The following YY1 variants were observed in gnomAD, a reference collection of about 807,000 sequenced individuals.
YY1 encodes the protein transcriptional repressor protein YY1.
A neutral mutation model predicts 35.6 loss-of-function variants in YY1; 2 were observed. The ratio of observed to expected loss-of-function variants is 0.06; its 90% CI spans 0.02 to 0.18. The LOEUF is 0.18. Ranked by LOEUF, YY1 falls within the 10% of genes least tolerant of loss-of-function variation. The pLI, the probability that YY1 is intolerant of heterozygous loss-of-function variation, is 1.00. For missense variants in YY1, 322 were observed against 573.4 expected, an observed-to-expected ratio of 0.56 and a Z score of 4.48; for synonymous variants, 268 against 238.9, an observed-to-expected ratio of 1.12 and a Z score of -1.12.
At position 100,246,270 on chromosome 14, in the gene YY1, C is replaced by T. The variant is rs114181433; in HGVS notation, c.679+6347C>T. Among the ~76,000 whole-genome samples the T allele has an allele frequency of 5.3e-3, 801 of 152,322 alleles. 8 individuals carry two copies. The highest frequency in any genetic ancestry group is 0.018 in the African/African-American group (754 of 41,560). ...GCCTGCCCATGGCTAATGAGGATAGCACAGGTGCGGGGCCAGTGTCCCCCC... is the reference window on the plus strand; with the variant it reads ...GCCTGCCCATGGCTAATGAGGATAGTACAGGTGCGGGGCCAGTGTCCCCCC... On this transcript the variant is annotated intron_variant, in intron 1 of 4. Coordinates refer to ENST00000262238, the MANE Select transcript of YY1 (RefSeq NM_003403.5).
chr14:100,245,896 C>G (rs1028458156), intron 1 of YY1, among the ~76,000 whole-genome samples: 1 of 152,112 alleles, frequency 6.6e-6, no homozygotes, highest in Admixed American at 6.6e-5. Flanking sequence ...CGTGAGCCAC[C>G]GCGCCCAGCC....
At chr14:100,240,530 G>T (rs547750215) in intron 1 of YY1, among the ~76,000 whole-genome samples, 1 of 54 alleles carries the variant, frequency 0.019, no homozygotes, top group South Asian at 0.5. Flanking sequence ...GGCACTCGTG[G>T]GCGCCCTCCG....
chr14:100,242,097 A>G (rs1890755729), intron 1 of YY1, among the ~76,000 whole-genome samples: 1 of 152,168 alleles, frequency 6.6e-6, no homozygotes, highest in African/African-American at 2.4e-5. Context: ...GTAAAGATAC[A>G]TTAACCACAA....
At position 100,276,473 on chromosome 14, in the gene YY1, G is replaced by A; in HGVS notation, c.904-17G>A. ...AGTTTGCAATGTGAACTTCTAAGCTGCTTTCTCTGTTTTAAGGGCTGCACA... is the reference window on the plus strand; with the variant it reads ...AGTTTGCAATGTGAACTTCTAAGCTACTTTCTCTGTTTTAAGGGCTGCACA... On this transcript the variant is annotated splice_polypyrimidine_tract_variant and intron_variant, in intron 3 of 4. Coordinates refer to ENST00000262238, the MANE Select transcript of YY1 (RefSeq NM_003403.5). This position sits in a 1 kb window ranked among gnomAD's most constrained non-coding sequence, Gnocchi z 4.1. 1 of 1,614,152 alleles carries A rather than the reference G, an allele frequency of 6.2e-7. No homozygotes were observed. The highest frequency in any genetic ancestry group is 8.5e-7 in the Non-Finnish European group (1 of 1,180,008).
chr14:100,253,672 G>A (rs966803510), intron 1 of YY1, among the ~76,000 whole-genome samples: 5 of 151,980 alleles, frequency 3.3e-5, no homozygotes, highest in African/African-American at 9.7e-5. Flanking sequence ...GATTATAGGC[G>A]TGAGCCAGTG....
rs60088505 is a variant in YY1 at position 100,249,100 on chromosome 14, A to ATTTTT, written c.679+9208_679+9212dup. The stretch of plus-strand genomic sequence containing the variant: ...TTTGTGATGGACTCTTTCTCGTGTA[A>ATTTTT]TTTTTTTTTTTTTTTTTTTTTTTTT... On this transcript the variant is annotated intron_variant, in intron 1 of 4. Transcript: ENST00000262238. 6.3e-3 allele frequency among the ~76,000 whole-genome samples: 295 copies of ATTTTT among 46,824 alleles called. 35 individuals are homozygous for ATTTTT. The highest frequency in any genetic ancestry group is 0.042 in the Middle Eastern group (2 of 48). 30.7% of individuals were successfully genotyped at this position (46,824 alleles called of 152,430 possible).
chr14:100,273,068 TCTC>T (rs998329343), intron 2 of YY1, among the ~76,000 whole-genome samples: 4 of 151,520 alleles, frequency 2.6e-5, no homozygotes, highest in South Asian at 2.1e-4. Context: ...CTGAAGCAAT[TCTC>T]CTCCCTCAGC....
rs549104683 is a variant in YY1 at position 100,243,709 on chromosome 14, G to T, written c.679+3786G>T. Among the ~76,000 whole-genome samples the T allele has an allele frequency of 8.0e-4, 121 of 151,268 alleles. 8 individuals carry two copies. The South Asian group carries it at 0.025, about 31-fold the overall frequency. On this transcript the variant is annotated intron_variant, in intron 1 of 4. Coordinates refer to ENST00000262238, the MANE Select transcript of YY1 (RefSeq NM_003403.5). Reference sequence around the variant, plus strand: ...GTCACTCTCAGCTACTTGGTAGATTGAGGTGGGAGGATCTCCTGAGCCTGG... The same window carrying T: ...GTCACTCTCAGCTACTTGGTAGATTTAGGTGGGAGGATCTCCTGAGCCTGG...
chr14:100,278,783 C>T lies in YY1; in HGVS notation c.*1183C>T, dbSNP rs1891365269. The stretch of plus-strand genomic sequence containing the variant: ...GCAAGTGTGAGTGAAGCATCTGTAC[C>T]ACCGCGCAGGCTGAGCGCCTGCGCA... On this transcript the variant is annotated 3_prime_UTR_variant, in exon 5 of 5. Transcript: ENST00000262238. 1.3e-5 allele frequency: 2 copies of T among 152,260 alleles called. No homozygotes were observed. The highest frequency in any genetic ancestry group is 4.1e-4 in the South Asian group (2 of 4,836). 9.4% of individuals were successfully genotyped at this position (152,260 alleles called of 1,614,324 possible).
chr14:100,261,310 T>C lies in YY1; in HGVS notation c.680-994T>C, dbSNP rs180879165. 2.8e-3 allele frequency among the ~76,000 whole-genome samples: 427 copies of C among 152,246 alleles called. 4 individuals are homozygous for C. Among genetic ancestry groups the C allele is most frequent in the Middle Eastern group, 0.01 (3 of 294 alleles). On this transcript the variant is annotated intron_variant, in intron 1 of 4. Coordinates refer to ENST00000262238, the MANE Select transcript of YY1 (RefSeq NM_003403.5). ...TTCAAGCAATTCTCCTGCCTCAGCC[T>C]CCTGAGTAGCTGGTATTACAGGCAT...
rs562639593 is a variant in YY1, at chr14:100,270,302, G to A, written c.843-4396G>A. On this transcript the variant is annotated intron_variant, in intron 2 of 4. Coordinates refer to ENST00000262238, the MANE Select transcript of YY1 (RefSeq NM_003403.5). ...AAAAAAAAAAAAAATTAAGTTACTAGGAATAACTCTAGCAAAATGTATGGG... is the reference window on the plus strand; with the variant it reads ...AAAAAAAAAAAAAATTAAGTTACTAAGAATAACTCTAGCAAAATGTATGGG... 9.0e-4 allele frequency among the ~76,000 whole-genome samples: 128 copies of A among 141,450 alleles called. No individual in the cohort carries two copies. The Middle Eastern group carries it at 0.013, about 14-fold the overall frequency. The allele number at this position is 141,450 out of a possible 152,430, so 92.8% of individuals were successfully genotyped here.
intron 1 of YY1, among the ~76,000 whole-genome samples, chr14:100,255,314 G>C (rs558939320): frequency 1.5e-3 from 222 of 152,132 alleles, no homozygotes; most frequent in Non-Finnish European, 2.5e-3. Flanking sequence ...GCAAGAAACT[G>C]ATATTATTTG....
chr14:100,257,503 AGAG>A, intron 1 of YY1, among the ~76,000 whole-genome samples: 1 of 152,298 alleles, frequency 6.6e-6, no homozygotes, highest in South Asian at 2.1e-4. Flanking sequence ...TGATGGTATT[AGAG>A]GGTAGGTCCT....
rs2097124592 is a variant in YY1 at position 100,277,004 on chromosome 14, A to C, written c.1062+356A>C. 2.7e-5 allele frequency: 11 copies of C among 406,836 alleles called. 1 individual carries two copies. The South Asian group carries it at 2.8e-4, about 10-fold the overall frequency. 25.2% of individuals were successfully genotyped at this position (406,836 alleles called of 1,614,324 possible). ...TAATAGTATAATTACTAACTGATAAAGTTTCTAGAGTGTAAGTATAGGTAA... is the reference window on the plus strand; with the variant it reads ...TAATAGTATAATTACTAACTGATAACGTTTCTAGAGTGTAAGTATAGGTAA... On this transcript the variant is annotated intron_variant, in intron 4 of 4. Coordinates refer to ENST00000262238, the MANE Select transcript of YY1 (RefSeq NM_003403.5). This position sits in a 1 kb window ranked among gnomAD's most constrained non-coding sequence, Gnocchi z 5.6.
intron 1 of YY1, among the ~76,000 whole-genome samples, chr14:100,241,701 G>A (rs1890745398): frequency 6.6e-6 from 1 of 152,212 alleles, no homozygotes; most frequent in African/African-American, 2.4e-5. Flanking sequence ...TTGGCCGGGC[G>A]CGGTGGCTCA....
intron 1 of YY1, among the ~76,000 whole-genome samples, chr14:100,241,621 G>T (rs1482441561): frequency 6.6e-6 from 1 of 152,196 alleles, no homozygotes; most frequent in Admixed American, 6.5e-5. Flanking sequence ...GTTATCAAAA[G>T]ATAATTTCCA....
At chr14:100,254,646 G>A (rs1019212018) in intron 1 of YY1, among the ~76,000 whole-genome samples, 3 of 152,016 alleles carry the variant, frequency 2.0e-5, no homozygotes, top group African/African-American at 7.2e-5. Flanking sequence ...TAGTCAAGAT[G>A]GATTTTTGCC....
intron 1 of YY1, among the ~76,000 whole-genome samples, chr14:100,255,600 GA>G (rs1375874947): frequency 3.3e-5 from 5 of 152,156 alleles, no homozygotes; most frequent in Non-Finnish European, 7.3e-5. Flanking sequence ...ACCTGGGGGG[GA>G]CAGAGCGAGA....
intron 1 of YY1, among the ~76,000 whole-genome samples, chr14:100,247,543 G>A (rs566056885): frequency 6.6e-6 from 1 of 152,190 alleles, no homozygotes; most frequent in South Asian, 2.1e-4. Context: ...ACCAGGCATG[G>A]CTAATTTTTT....
Sources: gnomAD v4.1 joint callset for allele counts (sites outside exome capture counted in the v4.1 genomes callset) on GRCh38, gnomAD v4.1.1 for gene constraint, Gnocchi (gnomAD v3.1) non-coding constraint, MANE v1.5 for transcripts, NCBI Gene and HGNC (gene_info 2026-07-23, HGNC 2026-07-21) for gene names.